PAX5: variants seen among roughly 807,000 people sequenced by gnomAD.
The protein encoded by PAX5 is paired box 5.
PAX5 carries 9 observed loss-of-function variants against 43.7 expected under a neutral mutation model. The observed-to-expected ratio is 0.21, with a 90% confidence interval of 0.12 to 0.36. The LOEUF (loss-of-function observed/expected upper bound fraction) is 0.36, where lower values mean the gene tolerates loss of function less well. Among genes scored for constraint, PAX5 ranks in the 10% least tolerant of loss-of-function variants. PAX5 has a pLI of 1.00. For synonymous variants in PAX5, 228 were observed against 214.3 expected (o/e 1.06, Z -0.56); for missense variants, 383 against 532.7 (o/e 0.72, Z 2.77).
At chr9:36,886,423 G>A (rs1303508453) in intron 7 of PAX5, among the ~76,000 whole-genome samples, 1 of 152,110 alleles carries the variant, frequency 6.6e-6, no homozygotes, top group Non-Finnish European at 1.5e-5. Flanking sequence ...CTGCTCTGAG[G>A]CCCATCAGAA....
At chr9:37,006,635 C>T (rs1246889587) in intron 3 of PAX5, 98 bp from the exon 4 acceptor site, 4 of 956,770 alleles carry the variant, frequency 4.2e-6, no homozygotes, top group African/African-American at 3.2e-5. Flanking sequence ...CATACCCAAG[C>T]TGGGCCATGG....
intron 6 of PAX5, among the ~76,000 whole-genome samples, chr9:36,958,158 G>C (rs1833650626): frequency 6.6e-6 from 1 of 152,120 alleles, no homozygotes. Flanking sequence ...TTAGCATGTG[G>C]GCGTCATACT....
intron 2 of PAX5, among the ~76,000 whole-genome samples, chr9:37,017,919 C>A (rs1839528654): frequency 6.6e-6 from 1 of 152,258 alleles, no homozygotes; most frequent in Non-Finnish European, 1.5e-5. Flanking sequence ...TTCATCTCAG[C>A]AAAACAGCCG....
intron 6 of PAX5, among the ~76,000 whole-genome samples, chr9:36,955,649 A>G (rs2132129936): frequency 6.6e-6 from 1 of 152,026 alleles, no homozygotes; most frequent in East Asian, 1.9e-4. Context: ...GCCCCTGTTC[A>G]CTAGAGACTA....
intron 8 of PAX5, among the ~76,000 whole-genome samples, chr9:36,868,037 G>C (rs1358055137): frequency 6.6e-6 from 1 of 152,188 alleles, no homozygotes; most frequent in Non-Finnish European, 1.5e-5. Context: ...GAAAACATGA[G>C]GGATGAGGGC....
Position 36,846,828 on chromosome 9 carries a change from TC to T in PAX5, c.1099+14del. On this transcript the variant is annotated intron_variant, in intron 9 of 9. Coordinates refer to ENST00000358127, the MANE Select transcript of PAX5 (RefSeq NM_016734.3). ...GATGGCCCAAGGGCCCCGCAGGGCC[TC>T]CGCCAGTACTCACCAAGCAGCCCCG... 7 of 1,606,462 alleles carry T rather than the reference TC, an allele frequency of 4.4e-6. No individual in the cohort carries two copies. The highest frequency in any genetic ancestry group is 6.0e-6 in the Non-Finnish European group (7 of 1,173,248).
At chr9:36,948,306 G>A (rs1832722006) in intron 6 of PAX5, among the ~76,000 whole-genome samples, 1 of 152,170 alleles carries the variant, frequency 6.6e-6, no homozygotes, top group Non-Finnish European at 1.5e-5. Context: ...CAAGGTTACC[G>A]AGGCTGACAG....
At chr9:36,870,425 T>C (rs1317112093) in intron 8 of PAX5, among the ~76,000 whole-genome samples, 1 of 152,252 alleles carries the variant, frequency 6.6e-6, no homozygotes, top group East Asian at 1.9e-4. Context: ...TGATTAGCTA[T>C]GAATACTCTG....
chr9:36,887,816 T>C (rs577899794), intron 7 of PAX5, among the ~76,000 whole-genome samples: 1 of 152,302 alleles, frequency 6.6e-6, no homozygotes, highest in Non-Finnish European at 1.5e-5. Flanking sequence ...CTTCAAAGGA[T>C]ACTACCAAGA....
chr9:36,882,071 G>A lies in PAX5; in HGVS notation c.945C>T (p.Tyr315=), dbSNP rs2131763572. ...GTCCAGCGGGGGGGACGTGTGGAGG[G>A]TACCCGGGGAGGGTCGTGCTCGCCA... ...RDLASTTLPG[Y]PPHVPPAGQG... The change falls in exon 8 of 10, where the codon TAC becomes TAT. Residue 315 remains tyrosine, a synonymous_variant. Coordinates refer to ENST00000358127, the MANE Select transcript of PAX5 (RefSeq NM_016734.3). This position sits in a 1 kb window ranked among gnomAD's most constrained non-coding sequence, Gnocchi z 4.4. The A allele has an allele frequency of 1.2e-6, 2 of 1,607,914 alleles. No homozygotes were observed. Among genetic ancestry groups the A allele is most frequent in the African/African-American group, 2.7e-5 (2 of 74,788 alleles).
At chr9:36,852,461 C>T (rs981096840) in intron 8 of PAX5, among the ~76,000 whole-genome samples, 4 of 152,144 alleles carry the variant, frequency 2.6e-5, no homozygotes, top group Non-Finnish European at 5.9e-5. Context: ...GGGAGGGCTG[C>T]GTGGGAACTG....
chr9:36,976,228 A>G (rs1564029874), intron 5 of PAX5, among the ~76,000 whole-genome samples: 1 of 152,250 alleles, frequency 6.6e-6, no homozygotes, highest in African/African-American at 2.4e-5. Flanking sequence ...AAGAAAATGC[A>G]GCAAGTCATA....
At chr9:36,974,521 C>G (rs1264778568) in intron 5 of PAX5, among the ~76,000 whole-genome samples, 1 of 152,122 alleles carries the variant, frequency 6.6e-6, no homozygotes, top group African/African-American at 2.4e-5. Context: ...GGTCCCTCAG[C>G]TCAAAGTGGC....
At chr9:36,951,039 T>A (rs1391530542) in intron 6 of PAX5, among the ~76,000 whole-genome samples, 1 of 151,996 alleles carries the variant, frequency 6.6e-6, no homozygotes, top group African/African-American at 2.4e-5. Context: ...ACTGCATGAA[T>A]TTTCTTTTCT....
At chr9:36,927,706 C>T (rs1459300043) in intron 6 of PAX5, among the ~76,000 whole-genome samples, 1 of 107,800 alleles carries the variant, frequency 9.3e-6, no homozygotes, top group East Asian at 2.2e-4. Flanking sequence ...TTTCCTTTTT[C>T]TTTTTCTTTT....
At chr9:37,027,884 TG>T (rs1046331513) in intron 1 of PAX5, among the ~76,000 whole-genome samples, 7 of 152,108 alleles carry the variant, frequency 4.6e-5, no homozygotes, top group African/African-American at 1.4e-4. Flanking sequence ...TGGGAGAGAA[TG>T]GGGGGCGGGG....
At chr9:36,980,256 G>A (rs1835799224) in intron 5 of PAX5, among the ~76,000 whole-genome samples, 2 of 152,340 alleles carry the variant, frequency 1.3e-5, no homozygotes, top group South Asian at 4.1e-4. Flanking sequence ...AGGAGGCCAG[G>A]GCAATGACAG....
chr9:36,840,451 G>T lies in PAX5; in HGVS notation c.*109C>A. ...AAGAGGGGAGCTTCAGGCAAGTGGG[G>T]GATGCTGGGGGACGGTCTCATGGGC... On this transcript the variant is annotated 3_prime_UTR_variant, in exon 10 of 10. Coordinates refer to ENST00000358127, the MANE Select transcript of PAX5 (RefSeq NM_016734.3). 1 of 1,075,840 alleles carries T rather than the reference G, an allele frequency of 9.3e-7. No individual in the cohort carries two copies. The highest frequency in any genetic ancestry group is 1.4e-6 in the Non-Finnish European group (1 of 723,920). The allele number at this position is 1,075,840 out of a possible 1,614,324, so 66.6% of individuals were successfully genotyped here. A position where few individuals can be genotyped will look rare whatever the true frequency, so the allele number is the denominator to read the frequency against.
At chr9:36,913,170 C>A (rs1829445683) in intron 7 of PAX5, among the ~76,000 whole-genome samples, 1 of 152,214 alleles carries the variant, frequency 6.6e-6, no homozygotes, top group Non-Finnish European at 1.5e-5. Context: ...GGCAGCCATT[C>A]TGTCTGTCTT....
Sources: gnomAD v4.1 joint callset for allele counts (sites outside exome capture counted in the v4.1 genomes callset) on GRCh38, gnomAD v4.1.1 for gene constraint, Gnocchi (gnomAD v3.1) non-coding constraint, MANE v1.5 for transcripts, NCBI Gene and HGNC (gene_info 2026-07-23, HGNC 2026-07-21) for gene names.